Variants in KLF9 observed in about 807,000 individuals in gnomAD.
KLF9 encodes the protein KLF transcription factor 9.
A neutral mutation model predicts 17.3 loss-of-function variants in KLF9; 2 were observed. The observed-to-expected ratio is 0.12, with a 90% confidence interval of 0.05 to 0.36. The LOEUF is 0.36. Among genes scored for constraint, KLF9 ranks in the 10% least tolerant of loss-of-function variants. KLF9 has a pLI of 1.00. For synonymous variants in KLF9, 138 were observed against 139.2 expected, an observed-to-expected ratio of 0.99 and a Z score of 0.06; for missense variants, 226 against 333.2, an observed-to-expected ratio of 0.68 and a Z score of 2.51.
intron 1 of KLF9, among the ~76,000 whole-genome samples, chr9:70,401,700 A>AAG (rs1554707662): frequency 5.3e-5 from 8 of 150,234 alleles, no homozygotes; most frequent in African/African-American, 2.0e-4. Context: ...AAAAAAAAAA[A>AAG]AAAAAGAAAA....
Position 70,413,480 on chromosome 9 carries a change from G to T in KLF9, c.-117C>A. The T allele has an allele frequency of 8.9e-7, 1 of 1,121,328 alleles. No homozygotes were observed. Among genetic ancestry groups the T allele is most frequent in the Non-Finnish European group, 1.1e-6 (1 of 894,550 alleles). 69.5% of individuals were successfully genotyped at this position (1,121,328 alleles called of 1,614,324 possible). A position where few individuals can be genotyped will look rare whatever the true frequency, so the allele number is the denominator to read the frequency against. On this transcript the variant is annotated 5_prime_UTR_variant, in exon 1 of 2. Transcript: ENST00000377126. The surrounding 1 kb of genome is among the most constrained non-coding windows in gnomAD (Gnocchi z 5.6). ...GCGGCGCGGCGCGGCACGGCGCGGC[G>T]GCCAAGGGGGCGGGGGCGCGGGGCG...
At position 70,385,329 on chromosome 9, in the gene KLF9, T is replaced by C. The variant is rs911386646; in HGVS notation, c.*2447A>G. Reference sequence around the variant, plus strand: ...TAAAACAGGATTTAATCACAAAGAATAAAAAGGCTTGAGTTTATACGTTAC... The same window carrying C: ...TAAAACAGGATTTAATCACAAAGAACAAAAAGGCTTGAGTTTATACGTTAC... On this transcript the variant is annotated 3_prime_UTR_variant, in exon 2 of 2. Coordinates refer to ENST00000377126, the MANE Select transcript of KLF9 (RefSeq NM_001206.4). 6.6e-6 allele frequency: 1 copy of C among 152,586 alleles called. No homozygotes were observed. The highest frequency in any genetic ancestry group is 1.5e-5 in the Non-Finnish European group (1 of 68,014). 9.5% of individuals were successfully genotyped at this position (152,586 alleles called of 1,614,324 possible). A position where few individuals can be genotyped will look rare whatever the true frequency, so the allele number is the denominator to read the frequency against.
At chr9:70,401,876 G>A (rs1005146512) in intron 1 of KLF9, among the ~76,000 whole-genome samples, 1 of 151,804 alleles carries the variant, frequency 6.6e-6, no homozygotes, top group South Asian at 2.1e-4. Flanking sequence ...TGAGCTGGGT[G>A]TAGTGGCATG....
At chr9:70,406,809 G>A (rs1340652299) in intron 1 of KLF9, among the ~76,000 whole-genome samples, 2 of 151,914 alleles carry the variant, frequency 1.3e-5, no homozygotes, top group African/African-American at 4.8e-5. Flanking sequence ...CGGATGTGGG[G>A]GAGGATTCTA....
At chr9:70,403,734 T>C (rs776403342) in intron 1 of KLF9, among the ~76,000 whole-genome samples, 89 of 152,236 alleles carry the variant, frequency 5.8e-4, no homozygotes, top group Non-Finnish European at 1.1e-3. Context: ...TCCTGACTAA[T>C]ACAGCTTTGG....
chr9:70,400,574 C>A (rs1239237074), intron 1 of KLF9, among the ~76,000 whole-genome samples: 1 of 152,124 alleles, frequency 6.6e-6, no homozygotes, highest in Non-Finnish European at 1.5e-5. Context: ...AAAGATTGTC[C>A]CCCAGCAGCA....
At position 70,413,393 on chromosome 9, in the gene KLF9, G is replaced by A; in HGVS notation, c.-30C>T. On this transcript the variant is annotated 5_prime_UTR_variant, in exon 1 of 2. Transcript: ENST00000377126. The surrounding 1 kb of genome is among the most constrained non-coding windows in gnomAD (Gnocchi z 5.6). ...CGGGCGACGGCAGCCCAGGCGGCGC[G>A]GACAAACTTGGCGGTGGCTGCGGAG... The A allele has an allele frequency of 6.8e-7, 1 of 1,463,654 alleles. No homozygotes were observed. The highest frequency in any genetic ancestry group is 1.4e-5 in the African/African-American group (1 of 71,082). 90.7% of individuals were successfully genotyped at this position (1,463,654 alleles called of 1,614,324 possible). A position where few individuals can be genotyped will look rare whatever the true frequency, so the allele number is the denominator to read the frequency against.
chr9:70,404,136 T>C (rs1649108541), intron 1 of KLF9, among the ~76,000 whole-genome samples: 1 of 152,202 alleles, frequency 6.6e-6, no homozygotes, highest in South Asian at 2.1e-4. Flanking sequence ...TCTCACAGGA[T>C]TGCTGTGAGT....
chr9:70,391,272 T>A (rs951515491), intron 1 of KLF9, among the ~76,000 whole-genome samples: 4 of 152,228 alleles, frequency 2.6e-5, no homozygotes, highest in African/African-American at 9.6e-5. Flanking sequence ...GCCATCAGAA[T>A]AGGAGAACTA....
chr9:70,400,019 A>ATT (rs1207299325), intron 1 of KLF9, among the ~76,000 whole-genome samples: 2 of 152,212 alleles, frequency 1.3e-5, no homozygotes, highest in Non-Finnish European at 2.9e-5. Context: ...TCTCTAAGAA[A>ATT]TATCCAGGTC....
At chr9:70,389,425 A>T (rs901466642) in intron 1 of KLF9, among the ~76,000 whole-genome samples, 2 of 152,192 alleles carry the variant, frequency 1.3e-5, no homozygotes, top group African/African-American at 4.8e-5. Flanking sequence ...AGGGTCACAT[A>T]ACTGGAAAGC....
chr9:70,389,612 T>G (rs1263986883), intron 1 of KLF9, among the ~76,000 whole-genome samples: 1 of 152,184 alleles, frequency 6.6e-6, no homozygotes, highest in African/African-American at 2.4e-5. Context: ...GCCTGCCAGA[T>G]GTTATCAGGC....
At chr9:70,405,614 G>A (rs531148867) in intron 1 of KLF9, among the ~76,000 whole-genome samples, 1 of 152,108 alleles carries the variant, frequency 6.6e-6, no homozygotes, top group Non-Finnish European at 1.5e-5. Flanking sequence ...TCAGATCCAG[G>A]TTCTTCAATT....
chr9:70,389,457 C>T (rs2037138607), intron 1 of KLF9, among the ~76,000 whole-genome samples: 1 of 152,196 alleles, frequency 6.6e-6, no homozygotes, highest in Non-Finnish European at 1.5e-5. Context: ...CTGGCCCTGT[C>T]TACCAAGGCC....
chr9:70,403,992 C>T (rs377476997), intron 1 of KLF9, among the ~76,000 whole-genome samples: 1 of 152,086 alleles, frequency 6.6e-6, no homozygotes, highest in African/African-American at 2.4e-5. Flanking sequence ...TCAAGGGGTC[C>T]AGATCAGCAA....
chr9:70,412,973 C>T lies in KLF9; in HGVS notation c.391G>A (p.Val131Met). ...PSPLSLLHPGVAAKGKHASEK... is the reference protein window; with the variant it reads ...PSPLSLLHPGMAAKGKHASEK... Reference sequence around the variant, plus strand: ...GAGGCGTGTTTCCCCTTCGCAGCCACTCCAGGATGGAGGAGGGAGAGCGGG... The same window carrying T: ...GAGGCGTGTTTCCCCTTCGCAGCCATTCCAGGATGGAGGAGGGAGAGCGGG... Residue 131 changes from valine to methionine, a missense_variant, in exon 1 of 2, where the codon GTG becomes ATG. Transcript: ENST00000377126. 1 of 1,614,176 alleles carries T rather than the reference C, an allele frequency of 6.2e-7. No individual in the cohort carries two copies. The highest frequency in any genetic ancestry group is 8.5e-7 in the Non-Finnish European group (1 of 1,180,036).
chr9:70,413,222 C>G lies in KLF9; in HGVS notation c.142G>C (p.Gly48Arg), dbSNP rs746640748. Residue 48 changes from glycine to arginine, a missense_variant, in exon 1 of 2, where the codon GGT becomes CGT. Gly to Arg is a moderately radical substitution (Grantham distance 125). Coordinates refer to ENST00000377126, the MANE Select transcript of KLF9 (RefSeq NM_001206.4). The surrounding 1 kb of genome is among the most constrained non-coding windows in gnomAD (Gnocchi z 5.6). ...TCCTTCCAGGTGTCCCCCGGGTCAC[C>G]GTGCTCCTTGGTCACCTCGCGCTCA... ...LPEREVTKEH[G>R]DPGDTWKDYC... The G allele has an allele frequency of 6.8e-5, 110 of 1,613,924 alleles. No individual in the cohort carries two copies. The highest frequency in any genetic ancestry group is 9.2e-5 in the Non-Finnish European group (108 of 1,180,046).
intron 1 of KLF9, among the ~76,000 whole-genome samples, chr9:70,396,838 A>G (rs1057319422): frequency 6.6e-6 from 1 of 152,124 alleles, no homozygotes; most frequent in African/African-American, 2.4e-5. Flanking sequence ...CTTACAGAAA[A>G]CAGCGATACA....
At chr9:70,412,810 A>G (rs1256061013) in intron 1 of KLF9, 49 bp downstream of exon 1, 7 of 1,517,572 alleles carry the variant, frequency 4.6e-6, no homozygotes, top group Non-Finnish European at 6.2e-6. Context: ...CTGCCTGGCC[A>G]AAGGTTAACT....
Sources: allele counts gnomAD v4.1 joint callset (sites outside exome capture counted in the v4.1 genomes callset), GRCh38; gene constraint gnomAD v4.1.1; non-coding constraint Gnocchi (gnomAD v3.1); transcripts MANE v1.5; gene names NCBI Gene and HGNC (gene_info 2026-07-23, HGNC 2026-07-21).